The following BTK variants were observed in gnomAD, a reference collection of about 807,000 sequenced individuals.
BTK encodes Bruton tyrosine kinase.
A neutral mutation model predicts 57.4 loss-of-function variants in BTK; 5 were observed. The ratio of observed to expected loss-of-function variants is 0.09; its 90% CI spans 0.05 to 0.18. BTK has a LOEUF of 0.18. Among genes scored for constraint, BTK ranks in the 10% least tolerant of loss-of-function variants. The probability of loss-of-function intolerance (pLI) is 1.00; values close to 1 mark genes in which losing one functional copy is unlikely to be tolerated. For missense variants in BTK, 194 were observed against 501.2 expected (o/e 0.39, Z 5.85); for synonymous variants, 154 against 174.3 (o/e 0.88, Z 0.92).
chrX:101,360,343 T>C (rs782790543), intron 8 of BTK, among the ~76,000 whole-genome samples, 193 bp from the exon 9 acceptor site: 214 of 112,302 alleles, frequency 1.9e-3, no homozygotes, highest in South Asian at 0.018. Context: ...CTTATGCACA[T>C]GTTGCATTGG....
intron 1 of BTK, among the ~76,000 whole-genome samples, chrX:101,379,521 G>T (rs192171241): frequency 9.4e-4 from 106 of 112,294 alleles, no homozygotes; most frequent in African/African-American, 3.0e-3. Flanking sequence ...TGACACAGAG[G>T]TTATGTGACT....
At chrX:101,364,744 G>C (rs1464653585) in intron 5 of BTK, among the ~76,000 whole-genome samples, 3 of 109,826 alleles carry the variant, frequency 2.7e-5, no homozygotes, top group African/African-American at 9.9e-5. Flanking sequence ...TTGCATAGAG[G>C]GAATTTTTTT....
intron 1 of BTK, among the ~76,000 whole-genome samples, chrX:101,383,137 CTG>C (rs1379239022): frequency 8.9e-6 from 1 of 111,849 alleles, no homozygotes; most frequent in Non-Finnish European, 1.9e-5. Context: ...CCATTTTTTT[CTG>C]TGTGTGTTTC....
intron 18 of BTK, among the ~76,000 whole-genome samples, chrX:101,352,476 T>A (rs373142159): frequency 9.0e-6 from 1 of 111,484 alleles, no homozygotes; most frequent in South Asian, 3.7e-4. Flanking sequence ...TCAGAGAATG[T>A]GTGCAAGGCC....
At chrX:101,379,018 C>CA (rs1173950723) in intron 1 of BTK, among the ~76,000 whole-genome samples, 19 of 109,098 alleles carry the variant, frequency 1.7e-4, no homozygotes, top group African/African-American at 6.0e-4. Flanking sequence ...TATTAAAATA[C>CA]AAAAAATTAG....
chrX:101,382,418 C>T (rs782556926), intron 1 of BTK, among the ~76,000 whole-genome samples: 10 of 110,339 alleles, frequency 9.1e-5, no homozygotes, highest in Non-Finnish European at 1.9e-4. Flanking sequence ...TCGCTACCTC[C>T]CAGTTTCAAG....
chrX:101,390,463 A>G (rs113061938), upstream of BTK: 43 of 513,754 alleles, frequency 8.4e-5, 1 homozygote, highest in African/African-American at 2.8e-4. Flanking sequence ...TTATAAGCCT[A>G]TTAGATTACT....
intron 9 of BTK, 124 bp from the exon 10 acceptor site, chrX:101,359,471 T>A: frequency 1.5e-6 from 1 of 685,799 alleles, no homozygotes; most frequent in Non-Finnish European, 2.4e-6. Flanking sequence ...TTACTGAGCA[T>A]CTGTCATGTG....
At chrX:101,381,007 GAA>G (rs782713123) in intron 1 of BTK, among the ~76,000 whole-genome samples, 10 of 24,747 alleles carry the variant, frequency 4.0e-4, no homozygotes, top group African/African-American at 6.6e-4. Context: ...ACTCGGTCGC[GAA>G]AAAAAAAAAA....
At chrX:101,369,629 A>G (rs782361843) in intron 5 of BTK, among the ~76,000 whole-genome samples, 1 of 112,137 alleles carries the variant, frequency 8.9e-6, no homozygotes, top group East Asian at 2.8e-4. Flanking sequence ...CTAGAGAGAT[A>G]GTGATAGAAC....
chrX:101,360,811 C>T (rs1451101884), intron 7 of BTK, 56 bp from the exon 8 acceptor site: 4 of 1,103,929 alleles, frequency 3.6e-6, no homozygotes, highest in Non-Finnish European at 5.0e-6. Context: ...GCACTCTTCT[C>T]TTCTCTCCCA....
At chrX:101,359,680 G>A (rs1926600097) in intron 9 of BTK, among the ~76,000 whole-genome samples, 1 of 109,589 alleles carries the variant, frequency 9.1e-6, no homozygotes, top group Non-Finnish European at 1.9e-5. Flanking sequence ...TCATCAGGTC[G>A]TCAACTCCTT....
intron 12 of BTK, chrX:101,358,028 C>T (rs921692895): frequency 4.4e-6 from 2 of 454,935 alleles, no homozygotes; most frequent in Non-Finnish European, 8.0e-6. Flanking sequence ...TCGCTGAGTA[C>T]ACAGTAGGAA....
chrX:101,362,047 C>T, intron 7 of BTK, 126 bp downstream of exon 7: 3 of 698,358 alleles, frequency 4.3e-6, no homozygotes, highest in East Asian at 6.6e-5. Context: ...AACAAATCCC[C>T]CATCTTAGCA....
chrX:101,359,170 G>A lies in BTK; in HGVS notation c.894+123C>T, dbSNP rs962073447. The A allele has an allele frequency of 2.0e-4, 155 of 766,853 alleles. 1 individual carries two copies. The Admixed American group carries it at 3.4e-3, about 17-fold the overall frequency. 63.2% of individuals were successfully genotyped at this position (766,853 alleles called of 1,213,427 possible). On this transcript the variant is annotated intron_variant, in intron 10 of 18. Transcript: ENST00000308731. Reference sequence around the variant, plus strand: ...CAAAAACAAAAAAAATGGTGTAATTGGGATCCCAGACGATGGCAGCTTTGA... The same window carrying A: ...CAAAAACAAAAAAAATGGTGTAATTAGGATCCCAGACGATGGCAGCTTTGA...
intron 5 of BTK, among the ~76,000 whole-genome samples, chrX:101,363,917 T>G (rs1926759200): frequency 9.9e-6 from 1 of 100,771 alleles, no homozygotes; most frequent in African/African-American, 3.6e-5. Flanking sequence ...TTATTATTAT[T>G]ATTATTATTA....
chrX:101,365,372 C>A (rs898215249), intron 5 of BTK, among the ~76,000 whole-genome samples: 5 of 111,964 alleles, frequency 4.5e-5, no homozygotes, highest in Non-Finnish European at 9.4e-5. Flanking sequence ...TCTTCCCCAC[C>A]CCTAGCACAC....
intron 15 of BTK, 43 bp from the exon 16 acceptor site, chrX:101,354,737 A>G (rs1569291256): frequency 8.6e-7 from 1 of 1,156,590 alleles, no homozygotes; most frequent in Non-Finnish European, 1.2e-6. Flanking sequence ...TCCCCAGCAC[A>G]GAGGTTAAAG....
intron 7 of BTK, 71 bp downstream of exon 7, chrX:101,362,102 T>G (rs1926689327): frequency 9.7e-7 from 1 of 1,028,345 alleles, no homozygotes; most frequent in African/African-American, 1.9e-5. Context: ...ATTCTAAGAC[T>G]CTAGTGTGTT....
Sources: allele counts gnomAD v4.1 joint callset (sites outside exome capture counted in the v4.1 genomes callset), GRCh38; gene constraint gnomAD v4.1.1; transcripts MANE v1.5; gene names NCBI Gene and HGNC (gene_info 2026-07-23, HGNC 2026-07-21).